Variants in PRKCH observed in about 807,000 individuals in gnomAD.
PRKCH encodes the protein protein kinase C eta type.
A neutral mutation model predicts 82.5 loss-of-function variants in PRKCH; 28 were observed. The ratio of observed to expected loss-of-function variants is 0.34; its 90% CI spans 0.25 to 0.47. PRKCH has a LOEUF of 0.47. Ranked by LOEUF, PRKCH falls within the 20% of genes least tolerant of loss-of-function variation. PRKCH has a pLI of 1.00. For synonymous variants in PRKCH, 322 were observed against 327.4 expected (o/e 0.98, Z 0.18); for missense variants, 705 against 881.8 (o/e 0.80, Z 2.54).
intron 10 of PRKCH, among the ~76,000 whole-genome samples, chr14:61,490,201 C>T (rs775692956): frequency 5.9e-5 from 9 of 152,146 alleles, no homozygotes; most frequent in Non-Finnish European, 1.2e-4. Context: ...AGATGTGGCC[C>T]ACAGAGGAAG....
At chr14:61,527,976 C>T in intron 10 of PRKCH, 1 of 152,368 alleles carries the variant, frequency 6.6e-6, no homozygotes, top group African/African-American at 2.4e-5. Context: ...TCTCTCCTCC[C>T]ACTAGAAGGA....
At chr14:61,250,794 G>T (rs2044938979) in intron 1 of PRKCH, among the ~76,000 whole-genome samples, 1 of 152,108 alleles carries the variant, frequency 6.6e-6, no homozygotes. Context: ...ACTTTGGTGG[G>T]TTGTTAGTGG....
chr14:61,355,479 T>A (rs1323515878), intron 1 of PRKCH, among the ~76,000 whole-genome samples: 1 of 152,202 alleles, frequency 6.6e-6, no homozygotes, highest in East Asian at 1.9e-4. Flanking sequence ...GGTAGGAGAC[T>A]TTAAAAGATC....
At chr14:61,306,019 T>C (rs2045483275) in intron 1 of PRKCH, 1 of 152,238 alleles carries the variant, frequency 6.6e-6, no homozygotes, top group Non-Finnish European at 1.5e-5. Flanking sequence ...ATCCTCTTGA[T>C]CTTGCTAGGC....
intron 9 of PRKCH, among the ~76,000 whole-genome samples, chr14:61,485,061 C>G (rs1886153181): frequency 6.6e-6 from 1 of 151,920 alleles, no homozygotes; most frequent in Non-Finnish European, 1.5e-5. Context: ...AAGGGGTGTT[C>G]TTTTTCTGTG....
Position 61,530,483 on chromosome 14 carries a change from G to T in PRKCH, c.1649G>T (p.Gly550Val). ...GTGTTGCTCTATGAGATGCTCTGTG[G>T]TCACGCGCCTTTTGAGGCAGAGAAC... ...MGVLLYEMLC[G>V]HAPFEAENED... Residue 550 changes from glycine to valine, a missense_variant, in exon 12 of 14, where the codon GGT becomes GTT. Physicochemically the swap from Gly to Val is moderately radical, Grantham distance 109 (BLOSUM62 -3). Around this residue, in one of 5 missense-constraint regions of PRKCH, gnomAD observed 115 missense variants for 193.8 expected, o/e 0.59. Coordinates refer to ENST00000332981, the MANE Select transcript of PRKCH (RefSeq NM_006255.5). 1 of 1,612,628 alleles carries T rather than the reference G, an allele frequency of 6.2e-7. No individual in the cohort carries two copies. Among genetic ancestry groups the T allele is most frequent in the Non-Finnish European group, 8.5e-7 (1 of 1,179,350 alleles).
intron 2 of PRKCH, among the ~76,000 whole-genome samples, chr14:61,402,666 G>A (rs1256747441): frequency 6.6e-6 from 1 of 152,018 alleles, no homozygotes; most frequent in Admixed American, 6.6e-5. Flanking sequence ...GGGTGTGGTG[G>A]TGCGTGCCTG....
chr14:61,251,393 A>G (rs1161780608), intron 1 of PRKCH, among the ~76,000 whole-genome samples: 1 of 152,094 alleles, frequency 6.6e-6, no homozygotes, highest in African/African-American at 2.4e-5. Context: ...TCTATTCTCT[A>G]TCTTCATGAG....
At chr14:61,200,925 TC>T (rs1216196207) in intron 1 of PRKCH, among the ~76,000 whole-genome samples, 2 of 152,152 alleles carry the variant, frequency 1.3e-5, no homozygotes, top group Non-Finnish European at 2.9e-5. Context: ...GAAACATATT[TC>T]CCACTTATAA....
intron 1 of PRKCH, among the ~76,000 whole-genome samples, chr14:61,354,279 T>C (rs1161124637): frequency 6.6e-6 from 1 of 152,210 alleles, no homozygotes; most frequent in Non-Finnish European, 1.5e-5. Context: ...CTAATCCTAA[T>C]ATACTCATTT....
chr14:61,477,483 A>G (rs1885778612), intron 9 of PRKCH, among the ~76,000 whole-genome samples: 1 of 152,214 alleles, frequency 6.6e-6, no homozygotes, highest in Non-Finnish European at 1.5e-5. Context: ...ATGGAGACAA[A>G]TCTTTGCAAT....
At chr14:61,506,191 A>G (rs939292997) in intron 10 of PRKCH, among the ~76,000 whole-genome samples, 1 of 152,198 alleles carries the variant, frequency 6.6e-6, no homozygotes, top group Non-Finnish European at 1.5e-5. Context: ...ACATTGAGCT[A>G]TTCCTACGCA....
intron 1 of PRKCH, among the ~76,000 whole-genome samples, chr14:61,222,809 G>A (rs1450796164): frequency 6.6e-6 from 1 of 152,116 alleles, no homozygotes; most frequent in African/African-American, 2.4e-5. Flanking sequence ...CTGTCTTCTT[G>A]GGAGACCAAA....
intron 12 of PRKCH, among the ~76,000 whole-genome samples, chr14:61,532,444 C>G (rs1664060799): frequency 6.6e-6 from 1 of 152,172 alleles, no homozygotes; most frequent in African/African-American, 2.4e-5. Context: ...TAGTAGAAAT[C>G]TTAAGAGGCC....
At chr14:61,382,686 T>G (rs1317318731) in intron 1 of PRKCH, among the ~76,000 whole-genome samples, 1 of 152,184 alleles carries the variant, frequency 6.6e-6, no homozygotes, top group Non-Finnish European at 1.5e-5. Context: ...TTTGTCAACT[T>G]CTCTATTACA....
At chr14:61,478,161 C>T (rs907065641) in intron 9 of PRKCH, among the ~76,000 whole-genome samples, 2 of 152,222 alleles carry the variant, frequency 1.3e-5, no homozygotes. Flanking sequence ...GAGCATTTCA[C>T]TTATGGTATG....
At chr14:61,502,630 G>A (rs1417265271) in intron 10 of PRKCH, among the ~76,000 whole-genome samples, 2 of 152,050 alleles carry the variant, frequency 1.3e-5, no homozygotes, top group African/African-American at 4.8e-5. Flanking sequence ...TGTACAGAGT[G>A]GACTGCTTAT....
chr14:61,212,341 A>G (rs747090350), intron 1 of PRKCH, among the ~76,000 whole-genome samples: 2 of 152,234 alleles, frequency 1.3e-5, no homozygotes, highest in Non-Finnish European at 2.9e-5. Flanking sequence ...TAACTATGCT[A>G]TCATTGGAAG....
upstream of PRKCH, among the ~76,000 whole-genome samples, chr14:61,318,032 C>T (rs2045578024): frequency 6.6e-6 from 1 of 151,896 alleles, no homozygotes; most frequent in African/African-American, 2.4e-5. Context: ...ATCCTCCCCT[C>T]CCACCCCCAA....
Sources: allele counts gnomAD v4.1 joint callset (sites outside exome capture counted in the v4.1 genomes callset), GRCh38; gene constraint gnomAD v4.1.1; regional missense constraint gnomAD v4.1.1; transcripts MANE v1.5; gene names NCBI Gene and HGNC (gene_info 2026-07-23, HGNC 2026-07-21).